Variants in MYO3B observed in about 807,000 individuals in gnomAD.
MYO3B encodes myosin IIIB, also known as myosin-IIIb.
Under a neutral mutation model 174.6 loss-of-function variants are expected in MYO3B, and 156 were observed. That is an observed-to-expected ratio of 0.89 (90% CI 0.78 to 1.02). The LOEUF (loss-of-function observed/expected upper bound fraction) is 1.02, where lower values mean the gene tolerates loss of function less well. Ranked by LOEUF, MYO3B falls within the 50% of genes least tolerant of loss-of-function variation. The pLI is 0.00. For synonymous variants in MYO3B, 563 were observed against 569.1 expected, an observed-to-expected ratio of 0.99 and a Z score of 0.15; for missense variants, 1,632 against 1,639.4, an observed-to-expected ratio of 1.00 and a Z score of 0.08.
intron 7 of MYO3B, among the ~76,000 whole-genome samples, chr2:170,317,783 A>G (rs529404412): frequency 1.5e-4 from 23 of 152,348 alleles, no homozygotes; most frequent in African/African-American, 5.0e-4. Flanking sequence ...AGGAGGTTCC[A>G]TGATCAGAGA....
intron 25 of MYO3B, among the ~76,000 whole-genome samples, chr2:170,497,947 GAAAAAAAAAAA>G (rs55963352): frequency 1.1e-5 from 1 of 87,874 alleles, no homozygotes; most frequent in African/African-American, 3.8e-5. Context: ...TTCTGCCTCA[GAAAAAAAAAAA>G]AAAAAAAAAA....
chr2:170,255,069 T>C lies in MYO3B; in HGVS notation c.749+18933T>C, dbSNP rs77190289. 1.6e-3 allele frequency among the ~76,000 whole-genome samples: 248 copies of C among 152,332 alleles called. 2 individuals carry two copies. Among genetic ancestry groups the C allele is most frequent in the African/African-American group, 5.8e-3 (241 of 41,572 alleles). ...CTGCACACCCATGGCACTACTGCTC[T>C]GCCTGGGGATCCTACGCCCTTGACT... On this transcript the variant is annotated intron_variant, in intron 7 of 34. Transcript: ENST00000408978.
chr2:170,215,551 C>CGTGTTTAAATGTTT (rs1383255687), intron 5 of MYO3B, among the ~76,000 whole-genome samples: 146 of 152,092 alleles, frequency 9.6e-4, no homozygotes, highest in African/African-American at 3.3e-3. Flanking sequence ...TAGTGAAACA[C>CGTGTTTAAATGTTT]TTTAAACGTG....
At chr2:170,453,446 ACACACAC>A (rs1223879189) in intron 23 of MYO3B, among the ~76,000 whole-genome samples, 132 of 124,600 alleles carry the variant, frequency 1.1e-3, no homozygotes, top group African/African-American at 3.8e-3. Flanking sequence ...ACACACACAC[ACACACAC>A]GAGAGAGAGA....
In MYO3B at chr2:170,369,383, G is replaced by A. The variant is rs1339025286; in HGVS notation, c.971+6G>A. 14 of 1,608,760 alleles carry A rather than the reference G, an allele frequency of 8.7e-6. No homozygotes were observed. Among genetic ancestry groups the A allele is most frequent in the Middle Eastern group, 1.7e-4 (1 of 6,058 alleles). On this transcript the variant is annotated splice_donor_region_variant and intron_variant, in intron 9 of 34. Transcript: ENST00000408978. ...AATCCTGTTGCTAAAACCAGGTACT[G>A]TACTCTCTTTCTTCTTTCTCCCTGT... is the stretch of plus-strand genomic sequence containing the variant.
chr2:170,383,274 TA>T (rs1339968604), intron 11 of MYO3B, 85 bp downstream of exon 11: 2 of 838,578 alleles, frequency 2.4e-6, no homozygotes, highest in Non-Finnish European at 4.0e-6. Context: ...AAAGTAAGAA[TA>T]AAATTATGCT....
chr2:170,331,555 C>A (rs976219109), intron 7 of MYO3B, among the ~76,000 whole-genome samples: 4 of 152,010 alleles, frequency 2.6e-5, no homozygotes, highest in Admixed American at 6.6e-5. Context: ...TAACAAATCA[C>A]CACAAACTTA....
rs117005945 is a variant in MYO3B at position 170,487,381 on chromosome 2, G to A, written c.3015-11211G>A. On this transcript the variant is annotated intron_variant, in intron 25 of 34. Transcript: ENST00000408978. ...CTACTAGAATATAAAGCTTCATGAG[G>A]GCAGGGAAATTGTGTGCTTTGCTTA... is the stretch of plus-strand genomic sequence containing the variant. Among the ~76,000 whole-genome samples, 14 of 152,236 alleles carry A rather than the reference G, an allele frequency of 9.2e-5. No homozygotes were observed. The East Asian group carries it at 2.7e-3, about 29-fold the overall frequency.
chr2:170,265,330 A>G (rs1411044666), intron 7 of MYO3B, among the ~76,000 whole-genome samples: 3 of 152,252 alleles, frequency 2.0e-5, no homozygotes, highest in South Asian at 2.1e-4. Context: ...TATGCATTTC[A>G]GAAAGGTTCT....
At chr2:170,523,584 G>T (rs1209025852) in intron 30 of MYO3B, among the ~76,000 whole-genome samples, 2 of 152,156 alleles carry the variant, frequency 1.3e-5, no homozygotes, top group East Asian at 3.9e-4. Flanking sequence ...CGAGACAAAA[G>T]GTCCAAAGAC....
At chr2:170,375,266 T>A (rs897921651) in intron 9 of MYO3B, among the ~76,000 whole-genome samples, 3 of 152,186 alleles carry the variant, frequency 2.0e-5, no homozygotes, top group African/African-American at 7.2e-5. Flanking sequence ...ACATGCTTTG[T>A]ATCATTTTAC....
chr2:170,280,616 A>G (rs188151062), intron 7 of MYO3B, among the ~76,000 whole-genome samples: 7 of 152,012 alleles, frequency 4.6e-5, no homozygotes, highest in East Asian at 1.9e-4. Context: ...GGGTTTTTAC[A>G]TTTAAGTCTG....
chr2:170,260,526 T>G (rs2093337756), intron 7 of MYO3B, among the ~76,000 whole-genome samples: 1 of 152,058 alleles, frequency 6.6e-6, no homozygotes, highest in South Asian at 2.1e-4. Context: ...ACATAAAGAT[T>G]GGAACAGTAG....
chr2:170,548,879 C>T (rs2106219865), intron 32 of MYO3B, among the ~76,000 whole-genome samples: 1 of 152,312 alleles, frequency 6.6e-6, no homozygotes, highest in East Asian at 1.9e-4. Context: ...AATTTTTCCT[C>T]TCTCAACACA....
chr2:170,508,999 A>G (rs1020727848), intron 28 of MYO3B, among the ~76,000 whole-genome samples: 1 of 145,790 alleles, frequency 6.9e-6, no homozygotes, highest in Non-Finnish European at 1.5e-5. Context: ...TCCCTTCCTA[A>G]ATGTCAACTT....
chr2:170,556,093 G>T (rs1477782147), intron 32 of MYO3B, among the ~76,000 whole-genome samples: 1 of 151,980 alleles, frequency 6.6e-6, no homozygotes, highest in African/African-American at 2.4e-5. Context: ...CTACTCAGGA[G>T]GCTGAGGCAG....
intron 22 of MYO3B, among the ~76,000 whole-genome samples, chr2:170,430,102 T>A (rs144734956): frequency 1.3e-5 from 2 of 152,062 alleles, no homozygotes; most frequent in Admixed American, 1.3e-4. Context: ...TTTTCATATA[T>A]GTGGGTTCTT....
chr2:170,369,106 T>C, intron 8 of MYO3B, 116 bp from the exon 9 acceptor site: 2 of 823,204 alleles, frequency 2.4e-6, no homozygotes, highest in Non-Finnish European at 3.7e-6. Context: ...TGTGTATCAT[T>C]AACCAATGAT....
intron 32 of MYO3B, among the ~76,000 whole-genome samples, chr2:170,590,971 A>G (rs2106323232): frequency 6.6e-6 from 1 of 152,330 alleles, no homozygotes; most frequent in South Asian, 2.1e-4. Flanking sequence ...CAATATTCAG[A>G]GGCCACAGAC....
Sources: allele counts gnomAD v4.1 joint callset (sites outside exome capture counted in the v4.1 genomes callset), GRCh38; gene constraint gnomAD v4.1.1; transcripts MANE v1.5; gene names NCBI Gene and HGNC (gene_info 2026-07-23, HGNC 2026-07-21).